The following CLNK variants were observed in gnomAD, a reference collection of about 807,000 sequenced individuals.
The protein encoded by CLNK is cytokine-dependent hematopoietic cell linker.
A neutral mutation model predicts 68.6 loss-of-function variants in CLNK; 74 were observed. The ratio of observed to expected loss-of-function variants is 1.08; its 90% CI spans 0.89 to 1.31. The LOEUF (loss-of-function observed/expected upper bound fraction) is 1.31. Among genes scored for constraint, CLNK ranks in the 50% most tolerant of loss-of-function variants. CLNK has a pLI of 0.00. For missense variants in CLNK, 553 were observed against 515.3 expected, an observed-to-expected ratio of 1.07 and a Z score of -0.71; for synonymous variants, 198 against 172.2, an observed-to-expected ratio of 1.15 and a Z score of -1.17.
chr4:10,598,528 A>G (rs562516545), intron 2 of CLNK: 1 of 251,472 alleles, frequency 4.0e-6, no homozygotes, highest in Non-Finnish European at 8.0e-6. Context: ...AATCTAGCAA[A>G]CATTATCCAA....
chr4:10,502,665 C>G (rs1717104109), intron 17 of CLNK, among the ~76,000 whole-genome samples: 1 of 151,898 alleles, frequency 6.6e-6, no homozygotes, highest in Admixed American at 6.6e-5. Flanking sequence ...AATTGGACTT[C>G]TGTGTGGAAA....
At chr4:10,550,530 A>G (rs550270532) in intron 8 of CLNK, among the ~76,000 whole-genome samples, 5 of 152,064 alleles carry the variant, frequency 3.3e-5, no homozygotes, top group Non-Finnish European at 7.4e-5. Context: ...ACATAAACAT[A>G]CACTTAAGTT....
At chr4:10,503,684 T>TAACA (rs1717154161) in intron 17 of CLNK, among the ~76,000 whole-genome samples, 1 of 149,860 alleles carries the variant, frequency 6.7e-6, no homozygotes, top group African/African-American at 2.4e-5. Flanking sequence ...AATAATACTG[T>TAACA]AACATGATAG....
At chr4:10,727,129 G>A in the CLNK span, among the ~76,000 whole-genome samples, 12 of 152,276 alleles carry the variant, frequency 7.9e-5, no homozygotes, top group Non-Finnish European at 1.3e-4. Context: ...TTCTCAAACC[G>A]TAAAAGTATT....
At chr4:10,681,069 A>G (rs946797743) in intron 1 of CLNK, among the ~76,000 whole-genome samples, 1 of 152,186 alleles carries the variant, frequency 6.6e-6, no homozygotes, top group African/African-American at 2.4e-5. Context: ...CAGACCACCC[A>G]TAGCTCAGCA....
chr4:10,527,688 A>ATG (rs148651238), intron 13 of CLNK, among the ~76,000 whole-genome samples: 20 of 152,174 alleles, frequency 1.3e-4, no homozygotes, highest in African/African-American at 3.9e-4. Flanking sequence ...GTGTACATGT[A>ATG]TGTGTGTGTG....
intron 2 of CLNK, among the ~76,000 whole-genome samples, chr4:10,612,847 T>A (rs1383060173): frequency 6.6e-6 from 1 of 152,242 alleles, no homozygotes; most frequent in East Asian, 1.9e-4. Flanking sequence ...TAGCAGCATT[T>A]GGCATCGAAG....
intron 3 of CLNK, among the ~76,000 whole-genome samples, chr4:10,593,846 G>T (rs1476831962): frequency 6.6e-6 from 1 of 152,206 alleles, no homozygotes; most frequent in Non-Finnish European, 1.5e-5. Flanking sequence ...AATGGGAAGG[G>T]TCTGAATGTG....
chr4:10,678,627 C>G (rs1339176142), intron 1 of CLNK, among the ~76,000 whole-genome samples: 2 of 151,940 alleles, frequency 1.3e-5, no homozygotes, highest in Non-Finnish European at 2.9e-5. Context: ...CTAGAAAACC[C>G]CATCATCTCA....
At chr4:10,663,319 C>T (rs185075876) in intron 2 of CLNK, among the ~76,000 whole-genome samples, 15 of 152,242 alleles carry the variant, frequency 9.9e-5, no homozygotes, top group Admixed American at 3.9e-4. Flanking sequence ...TGCTAATTTC[C>T]GAAGCAATTT....
intron 16 of CLNK, among the ~76,000 whole-genome samples, chr4:10,512,596 A>G (rs1210632818): frequency 3.9e-5 from 6 of 152,138 alleles, no homozygotes; most frequent in Admixed American, 2.6e-4. Flanking sequence ...TTAGGTAGAA[A>G]TTAATATGAA....
chr4:10,587,153 A>G (rs1439143357), intron 3 of CLNK, among the ~76,000 whole-genome samples: 1 of 152,020 alleles, frequency 6.6e-6, no homozygotes, highest in Non-Finnish European at 1.5e-5. Flanking sequence ...TGTAGTAGAG[A>G]TGAGGTTTCA....
At chr4:10,663,380 A>T (rs1178936321) in intron 2 of CLNK, among the ~76,000 whole-genome samples, 1 of 152,050 alleles carries the variant, frequency 6.6e-6, no homozygotes, top group Non-Finnish European at 1.5e-5. Flanking sequence ...TTTTCTCATC[A>T]CTCTCTATGT....
chr4:10,630,623 A>C (rs1394587780), intron 2 of CLNK, among the ~76,000 whole-genome samples: 1 of 151,928 alleles, frequency 6.6e-6, no homozygotes, highest in Non-Finnish European at 1.5e-5. Context: ...CCTTTCCCCA[A>C]GTCCACTTCA....
At chr4:10,522,378 A>G (rs192122544) in intron 14 of CLNK, among the ~76,000 whole-genome samples, 3 of 152,084 alleles carry the variant, frequency 2.0e-5, no homozygotes, top group Admixed American at 2.0e-4. Context: ...GTTCAAGACC[A>G]GCCTTGATAA....
At chr4:10,545,629 G>A (rs1257545105) in intron 8 of CLNK, among the ~76,000 whole-genome samples, 1 of 152,230 alleles carries the variant, frequency 6.6e-6, no homozygotes, top group Non-Finnish European at 1.5e-5. Flanking sequence ...GGCTCCATTA[G>A]GCATTGCCCT....
chr4:10,669,866 C>A (rs1269608280), intron 1 of CLNK, among the ~76,000 whole-genome samples: 2 of 152,112 alleles, frequency 1.3e-5, no homozygotes, highest in Non-Finnish European at 2.9e-5. Flanking sequence ...TGTAGAGTGT[C>A]TAGTCCATGG....
At position 10,583,300 on chromosome 4, in the gene CLNK, C is replaced by T. The variant is rs188529227; in HGVS notation, c.112+1627G>A. Among the ~76,000 whole-genome samples, 469 of 151,540 alleles carry T rather than the reference C, an allele frequency of 3.1e-3. 12 individuals carry two copies. Among genetic ancestry groups the T allele is most frequent in the Admixed American group, 0.025 (373 of 15,224 alleles). ...CTCTCTTTTTTTTTCTTTTTTGAGA[C>T]GGAGTCTTGCTCTGTCGTCCACAGC... is the stretch of plus-strand genomic sequence containing the variant. On this transcript the variant is annotated intron_variant, in intron 4 of 18. Transcript: ENST00000226951.
At chr4:10,705,698 C>T in the CLNK span, among the ~76,000 whole-genome samples, 1 of 152,208 alleles carries the variant, frequency 6.6e-6, no homozygotes, top group East Asian at 1.9e-4. Flanking sequence ...GATAATTTCT[C>T]AATCTTAAGG....
Sources: gnomAD v4.1 joint callset for allele counts (sites outside exome capture counted in the v4.1 genomes callset) on GRCh38, gnomAD v4.1.1 for gene constraint, MANE v1.5 for transcripts, NCBI Gene and HGNC (gene_info 2026-07-23, HGNC 2026-07-21) for gene names.